Variants in RBM23 observed in about 807,000 individuals in gnomAD.
The protein encoded by RBM23 is probable RNA-binding protein 23.
In RBM23, 53 loss-of-function variants were observed where a neutral mutation model predicts 56.2. That is an observed-to-expected ratio of 0.94 (90% CI 0.76 to 1.19). The LOEUF (loss-of-function observed/expected upper bound fraction) is 1.19, where lower values mean the gene tolerates loss of function less well. RBM23 is among the 50% of genes most tolerant of loss of function. The pLI is 0.00. For missense variants in RBM23, 642 were observed against 590.3 expected, an observed-to-expected ratio of 1.09 and a Z score of -0.91; for synonymous variants, 197 against 198.5, an observed-to-expected ratio of 0.99 and a Z score of 0.06.
chr14:22,902,468 C>T, intron 10 of RBM23, 86 bp from the exon 11 acceptor site: 1 of 1,487,796 alleles, frequency 6.7e-7, no homozygotes, highest in Non-Finnish European at 9.0e-7. Context: ...TCCTACTATC[C>T]CAGGAAAATT....
rs1367080068 is a variant in RBM23 at position 22,902,631 on chromosome 14, A to G, written c.931-249T>C. ...TCCATTAAGAATCTAACAATGCAAA[A>G]TTTTATTATTGTAGGAAACCTAGCC... On this transcript the variant is annotated intron_variant, in intron 10 of 13. Coordinates refer to ENST00000359890, the MANE Select transcript of RBM23 (RefSeq NM_001077351.2). The G allele has an allele frequency of 5.8e-6, 7 of 1,212,032 alleles. No homozygotes were observed. The African/African-American group carries it at 7.8e-5, about 13-fold the overall frequency. The allele number at this position is 1,212,032 out of a possible 1,614,324, so 75.1% of individuals were successfully genotyped here. A position where few individuals can be genotyped will look rare whatever the true frequency, so the allele number is the denominator to read the frequency against.
intron 1 of RBM23, chr14:22,917,680 G>C (rs2043795632): frequency 6.6e-6 from 1 of 152,076 alleles, no homozygotes; most frequent in Non-Finnish European, 1.5e-5. Context: ...AAAGTGCTGG[G>C]ATTACAGGCG....
At chr14:22,905,057 C>G (rs2041289626) in intron 8 of RBM23, 37 bp downstream of exon 8, 1 of 1,613,828 alleles carries the variant, frequency 6.2e-7, no homozygotes, top group Admixed American at 1.7e-5. Context: ...ATTCCCTCTC[C>G]CCTTAAAATC....
intron 12 of RBM23, 25 bp from the exon 13 acceptor site, chr14:22,901,908 G>A: frequency 6.2e-7 from 1 of 1,614,186 alleles, no homozygotes; most frequent in South Asian, 1.1e-5. Context: ...GGCAGAGTGA[G>A]TGAGCAAGCA....
chr14:22,910,150 T>C (rs1487007170), intron 2 of RBM23, among the ~76,000 whole-genome samples: 2 of 8,182 alleles, frequency 2.4e-4, no homozygotes, highest in African/African-American at 5.2e-4. Context: ...AGACTCTGTC[T>C]CAAAAAAAAA....
In RBM23 at chr14:22,904,934, AACCC is replaced by A; in HGVS notation, c.801_804del (p.Gly268ProfsTer26). On this transcript the variant is annotated frameshift_variant, in exon 9 of 14. Coordinates refer to ENST00000359890, the MANE Select transcript of RBM23 (RefSeq NM_001077351.2). LOFTEE classifies it high-confidence loss of function. ...TCTTCAGTGATATTGAAGTGCAGGG[AACCC>A]ACATAGAGGCGCATTGGTCCACCAT... 6.2e-7 allele frequency: 1 copy of A among 1,614,138 alleles called. No individual in the cohort carries two copies.
intron 10 of RBM23, chr14:22,902,756 CTTTTTTTTTTTTTTT>C (rs59987550): frequency 2.4e-5 from 11 of 460,884 alleles, no homozygotes; most frequent in African/African-American, 9.3e-5. Context: ...AAGTTTTAGT[CTTTTTTTTTTTTTTT>C]TTTTTTTTTT....
In RBM23 at chr14:22,908,328, C is replaced by T. The variant is rs958748122; in HGVS notation, c.227+5G>A. The T allele has an allele frequency of 1.0e-5, 16 of 1,549,762 alleles. No homozygotes were observed. In the African/African-American group the frequency reaches 2.2e-4, roughly 21 times the overall value. On this transcript the variant is annotated splice_donor_5th_base_variant and intron_variant, in intron 4 of 13. Coordinates refer to ENST00000359890, the MANE Select transcript of RBM23 (RefSeq NM_001077351.2). ...AGCCACTGTGCCTGGCCCAGAATTA[C>T]TGACCTGCGCTTTCTATCCCTGCTT...
chr14:22,916,864 A>G lies in RBM23; in HGVS notation c.-11+2135T>C, dbSNP rs75321569. On this transcript the variant is annotated intron_variant, in intron 1 of 13. Coordinates refer to ENST00000359890, the MANE Select transcript of RBM23 (RefSeq NM_001077351.2). ...ACTATGGGAAAATAGTTCTAAAAAG[A>G]AAAGTTTGTTTTTGTTTTTTTTTGA... is the stretch of plus-strand genomic sequence containing the variant. Among the ~76,000 whole-genome samples the G allele has an allele frequency of 9.0e-3, 1,370 of 152,008 alleles. 19 individuals carry two copies. Among genetic ancestry groups the G allele is most frequent in the African/African-American group, 0.028 (1,160 of 41,384 alleles).
At chr14:22,905,527 A>G in intron 6 of RBM23, 74 bp from the exon 7 acceptor site, 2 of 1,597,344 alleles carry the variant, frequency 1.3e-6, no homozygotes, top group South Asian at 1.1e-5. Flanking sequence ...CTCAAGTATT[A>G]CACATTCCTG....
At chr14:22,914,315 C>G (rs2043115652) in intron 1 of RBM23, among the ~76,000 whole-genome samples, 1 of 120,110 alleles carries the variant, frequency 8.3e-6, no homozygotes, top group African/African-American at 3.2e-5. Context: ...CAGAGCAAGA[C>G]TCTGTCTCAA....
intron 4 of RBM23, among the ~76,000 whole-genome samples, chr14:22,906,898 G>A (rs1594292425): frequency 6.6e-6 from 1 of 152,308 alleles, no homozygotes; most frequent in South Asian, 2.1e-4. Context: ...ATTAGACCAG[G>A]CACGGTGGCT....
At chr14:22,918,470 T>A (rs1340598102) in intron 1 of RBM23, among the ~76,000 whole-genome samples, 1 of 152,072 alleles carries the variant, frequency 6.6e-6, no homozygotes, top group Non-Finnish European at 1.5e-5. Context: ...CAGGGCTCAA[T>A]CTTCATATGT....
At position 22,900,104 on chromosome 14, in the gene RBM23, CTG is replaced by C. The variant is rs991911243; in HGVS notation, c.*1624_*1625del. On this transcript the variant is annotated 3_prime_UTR_variant, in exon 14 of 14. Coordinates refer to ENST00000359890, the MANE Select transcript of RBM23 (RefSeq NM_001077351.2). ...TCCCTACAATTCACTGGTCCCAGGC[CTG>C]TGTTATCCCAGGCAGAGCCACATGG... 3 of 152,128 alleles carry C rather than the reference CTG, an allele frequency of 2.0e-5. No individual in the cohort carries two copies. The highest frequency in any genetic ancestry group is 1.3e-4 in the Admixed American group (2 of 15,270). 9.4% of individuals were successfully genotyped at this position (152,128 alleles called of 1,614,324 possible). A position where few individuals can be genotyped will look rare whatever the true frequency, so the allele number is the denominator to read the frequency against.
intron 5 of RBM23, 88 bp downstream of exon 5, chr14:22,906,107 A>G (rs2041498919): frequency 1.4e-6 from 2 of 1,451,218 alleles, no homozygotes; most frequent in African/African-American, 1.4e-5. Flanking sequence ...ATGTGTTATA[A>G]TAAGCACCCT....
intron 1 of RBM23, among the ~76,000 whole-genome samples, chr14:22,912,802 C>T (rs190993029): frequency 6.7e-6 from 1 of 149,836 alleles, no homozygotes; most frequent in East Asian, 2.0e-4. Context: ...CATATCGAGA[C>T]CATCTAGGCC....
Position 22,901,464 on chromosome 14 carries a change from C to T in RBM23, c.*266G>A, listed in dbSNP as rs541685775. On this transcript the variant is annotated 3_prime_UTR_variant, in exon 14 of 14. Transcript: ENST00000359890. ...AAGGGCAAGAAGGTAATCTCAGAGA[C>T]GATACACATGGAGAAACAGGTATTC... 4.8e-5 allele frequency: 28 copies of T among 582,578 alleles called. 1 individual carries two copies. Among genetic ancestry groups the T allele is most frequent in the Admixed American group, 9.2e-5 (3 of 32,692 alleles). 36.1% of individuals were successfully genotyped at this position (582,578 alleles called of 1,614,324 possible).
chr14:22,900,077 G>C lies in RBM23; in HGVS notation c.*1653C>G, dbSNP rs1278051100. ...CACAGAGGTATTTCTGGAATACTCAGTTCCCTACAATTCACTGGTCCCAGG... is the reference window on the plus strand; with the variant it reads ...CACAGAGGTATTTCTGGAATACTCACTTCCCTACAATTCACTGGTCCCAGG... On this transcript the variant is annotated 3_prime_UTR_variant, in exon 14 of 14. Transcript: ENST00000359890. 2 of 152,090 alleles carry C rather than the reference G, an allele frequency of 1.3e-5. No homozygotes were observed. The highest frequency in any genetic ancestry group is 2.9e-5 in the Non-Finnish European group (2 of 68,050). 9.4% of individuals were successfully genotyped at this position (152,090 alleles called of 1,614,324 possible).
At chr14:22,905,786 T>C (rs1023269335) in intron 5 of RBM23, 127 bp from the exon 6 acceptor site, 11 of 764,760 alleles carry the variant, frequency 1.4e-5, no homozygotes, top group Non-Finnish European at 2.3e-5. Flanking sequence ...GTTTCCGCTG[T>C]CACCCAGGCT....
Sources: allele counts gnomAD v4.1 joint callset (sites outside exome capture counted in the v4.1 genomes callset), GRCh38; gene constraint gnomAD v4.1.1; transcripts MANE v1.5; gene names NCBI Gene and HGNC (gene_info 2026-07-23, HGNC 2026-07-21).